Variants in ITGA8 observed in about 807,000 individuals in gnomAD.
ITGA8 encodes the protein integrin alpha-8.
In ITGA8, 91 loss-of-function variants were observed where a neutral mutation model predicts 142.3. The ratio of observed to expected loss-of-function variants is 0.64; its 90% CI spans 0.54 to 0.76. The LOEUF (loss-of-function observed/expected upper bound fraction) is 0.76, where lower values mean the gene tolerates loss of function less well. Ranked by LOEUF, ITGA8 falls within the 30% of genes least tolerant of loss-of-function variation. The probability of loss-of-function intolerance (pLI) is 0.00; values close to 1 mark genes in which losing one functional copy is unlikely to be tolerated. For missense variants in ITGA8, 1,406 were observed against 1,327.7 expected (o/e 1.06, Z -0.92); for synonymous variants, 505 against 485.2 (o/e 1.04, Z -0.54).
At chr10:15,653,500 G>A (rs773784972) in intron 11 of ITGA8, among the ~76,000 whole-genome samples, 3 of 152,208 alleles carry the variant, frequency 2.0e-5, no homozygotes, top group East Asian at 1.9e-4. Context: ...ACATTCATAC[G>A]TCATTATCAA....
intron 2 of ITGA8, among the ~76,000 whole-genome samples, chr10:15,697,838 G>A (rs374071952): frequency 2.0e-5 from 3 of 152,204 alleles, no homozygotes; most frequent in Non-Finnish European, 2.9e-5. Context: ...GTAGTTTGCC[G>A]ACAGTTGATA....
intron 24 of ITGA8, among the ~76,000 whole-genome samples, chr10:15,574,182 C>T (rs1455751484): frequency 6.6e-6 from 1 of 152,072 alleles, no homozygotes; most frequent in Non-Finnish European, 1.5e-5. Context: ...TCAACAGATC[C>T]TCTCCCTGTT....
At chr10:15,718,524 C>G (rs1456993809) in intron 2 of ITGA8, among the ~76,000 whole-genome samples, 1 of 152,166 alleles carries the variant, frequency 6.6e-6, no homozygotes, top group Non-Finnish European at 1.5e-5. Flanking sequence ...CAGGAGTTGC[C>G]AGGATGCATC....
chr10:15,537,976 A>AAAAC (rs1564341761), intron 27 of ITGA8, among the ~76,000 whole-genome samples: 21 of 139,538 alleles, frequency 1.5e-4, no homozygotes, highest in African/African-American at 4.9e-4. Context: ...CAAAACAAAA[A>AAAAC]AAAAACACAA....
At chr10:15,609,770 T>G (rs1833259278) in intron 15 of ITGA8, among the ~76,000 whole-genome samples, 1 of 152,238 alleles carries the variant, frequency 6.6e-6, no homozygotes, top group Non-Finnish European at 1.5e-5. Context: ...CCATTCATCT[T>G]TAACTGTGTA....
chr10:15,695,421 A>C (rs1835032442), intron 2 of ITGA8, among the ~76,000 whole-genome samples: 1 of 152,156 alleles, frequency 6.6e-6, no homozygotes, highest in African/African-American at 2.4e-5. Context: ...AATAAGTAAG[A>C]TATATATGGG....
In ITGA8 at chr10:15,672,750, C is replaced by T. The variant is rs1834549742; in HGVS notation, c.677-1G>A. On this transcript the variant is annotated splice_acceptor_variant, in intron 6 of 29. Transcript: ENST00000378076. LOFTEE classifies it high-confidence loss of function. ...GCAACACTGGCAGTGATCACTTGTC[C>T]TGTGTTTAAACAAATTAATACGTTA... 2 of 1,603,950 alleles carry T rather than the reference C, an allele frequency of 1.2e-6. No individual in the cohort carries two copies. The highest frequency in any genetic ancestry group is 1.7e-5 in the Admixed American group (1 of 58,248).
intron 24 of ITGA8, among the ~76,000 whole-genome samples, chr10:15,573,823 C>G (rs1834232881): frequency 6.6e-6 from 1 of 151,786 alleles, no homozygotes; most frequent in Non-Finnish European, 1.5e-5. Context: ...CCTGCCTGGT[C>G]CCTTGAAAAC....
At position 15,516,093 on chromosome 10, in the gene ITGA8, T is replaced by C. The variant is rs2131527024; in HGVS notation, c.*1065A>G. On this transcript the variant is annotated 3_prime_UTR_variant, in exon 30 of 30. Coordinates refer to ENST00000378076, the MANE Select transcript of ITGA8 (RefSeq NM_003638.3). ...GAAAAACGGGTATTTAATCCCAAGC[T>C]AAATATCTATAAGAAGTGTTGCTTC... 1 of 152,328 alleles carries C rather than the reference T, an allele frequency of 6.6e-6. No homozygotes were observed. Among genetic ancestry groups the C allele is most frequent in the South Asian group, 2.1e-4 (1 of 4,826 alleles). 9.4% of individuals were successfully genotyped at this position (152,328 alleles called of 1,614,324 possible).
intron 27 of ITGA8, among the ~76,000 whole-genome samples, chr10:15,537,303 C>T (rs972121629): frequency 1.3e-5 from 2 of 152,154 alleles, no homozygotes; most frequent in African/African-American, 4.8e-5. Context: ...ATAACGCATT[C>T]CTCTTTAGGA....
At chr10:15,704,591 T>A (rs1490396863) in intron 2 of ITGA8, among the ~76,000 whole-genome samples, 1 of 152,238 alleles carries the variant, frequency 6.6e-6, no homozygotes, top group Non-Finnish European at 1.5e-5. Context: ...TTACCTAGGA[T>A]CACATATCGT....
intron 26 of ITGA8, 148 bp downstream of exon 26, chr10:15,557,926 A>G (rs1833912670): frequency 9.7e-7 from 1 of 1,030,204 alleles, no homozygotes; most frequent in African/African-American, 1.6e-5. Context: ...GTTGCTTTTC[A>G]TTCTCGAGAT....
chr10:15,701,657 ACT>A (rs1835167250), intron 2 of ITGA8, among the ~76,000 whole-genome samples: 1 of 152,144 alleles, frequency 6.6e-6, no homozygotes, highest in Non-Finnish European at 1.5e-5. Context: ...AAGAGTTGTA[ACT>A]CACACAGGTG....
At chr10:15,547,397 CCCCATCTCTACTAAAA>C (rs1833697539) in intron 27 of ITGA8, among the ~76,000 whole-genome samples, 1 of 152,176 alleles carries the variant, frequency 6.6e-6, no homozygotes, top group African/African-American at 2.4e-5. Flanking sequence ...TGTGGCAAAA[CCCCATCTCTACTAAAA>C]ATACAAAAAT....
At chr10:15,675,170 T>G (rs1259544981) in intron 6 of ITGA8, among the ~76,000 whole-genome samples, 1 of 152,204 alleles carries the variant, frequency 6.6e-6, no homozygotes, top group East Asian at 1.9e-4. Flanking sequence ...AAAATTTATA[T>G]TTCACTCTAG....
At chr10:15,683,051 G>A (rs987975333) in intron 4 of ITGA8, among the ~76,000 whole-genome samples, 3 of 151,984 alleles carry the variant, frequency 2.0e-5, no homozygotes, top group African/African-American at 7.3e-5. Flanking sequence ...ACATTTTAGA[G>A]CTCAAGCTAA....
chr10:15,636,664 C>G (rs184559619), intron 13 of ITGA8, among the ~76,000 whole-genome samples: 27 of 152,342 alleles, frequency 1.8e-4, no homozygotes, highest in Admixed American at 7.2e-4. Flanking sequence ...CCTTCCATCA[C>G]TGCTAGTTGT....
At chr10:15,678,045 A>G (rs1016680636) in intron 5 of ITGA8, among the ~76,000 whole-genome samples, 1 of 152,126 alleles carries the variant, frequency 6.6e-6, no homozygotes, top group Non-Finnish European at 1.5e-5. Context: ...ATTTTTTTCC[A>G]TACATCCCCA....
At chr10:15,624,339 T>C (rs1472040519) in intron 13 of ITGA8, among the ~76,000 whole-genome samples, 2 of 152,216 alleles carry the variant, frequency 1.3e-5, no homozygotes. Flanking sequence ...AAGTCAATCT[T>C]CATTGCTGAA....
Sources: allele counts gnomAD v4.1 joint callset (sites outside exome capture counted in the v4.1 genomes callset), GRCh38; gene constraint gnomAD v4.1.1; transcripts MANE v1.5; gene names NCBI Gene and HGNC (gene_info 2026-07-23, HGNC 2026-07-21).